The following CTCF variants were observed in gnomAD, a reference collection of about 807,000 sequenced individuals.
CTCF encodes transcriptional repressor CTCF.
A neutral mutation model predicts 72.3 loss-of-function variants in CTCF; 7 were observed. That is an observed-to-expected ratio of 0.10 (90% CI 0.06 to 0.18). The LOEUF (loss-of-function observed/expected upper bound fraction) is 0.18, where lower values mean the gene tolerates loss of function less well. CTCF is among the 10% of genes least tolerant of loss of function. CTCF has a pLI of 1.00. For missense variants in CTCF, 516 were observed against 949.1 expected, an observed-to-expected ratio of 0.54 and a Z score of 6.00; for synonymous variants, 374 against 315.8, an observed-to-expected ratio of 1.18 and a Z score of -1.95.
At chr16:67,569,336 C>T (rs548816140) in intron 1 of CTCF, among the ~76,000 whole-genome samples, 5 of 152,064 alleles carry the variant, frequency 3.3e-5, no homozygotes, top group African/African-American at 1.2e-4. Flanking sequence ...CAGGCCTGCA[C>T]CACCATGCCC....
intron 2 of CTCF, among the ~76,000 whole-genome samples, chr16:67,589,805 G>A (rs1241108980): frequency 1.3e-5 from 2 of 152,138 alleles, no homozygotes; most frequent in Non-Finnish European, 2.9e-5. Flanking sequence ...TTGAAAAAGA[G>A]CCTGGACGCG....
chr16:67,630,096 A>G (rs1452064920), intron 10 of CTCF, among the ~76,000 whole-genome samples: 1 of 151,816 alleles, frequency 6.6e-6, no homozygotes, highest in African/African-American at 2.4e-5. Context: ...CCTTATACGT[A>G]ATCTTGAGTT....
At chr16:67,587,099 C>CTTT (rs1194757717) in intron 2 of CTCF, among the ~76,000 whole-genome samples, 5 of 127,582 alleles carry the variant, frequency 3.9e-5, no homozygotes, top group Non-Finnish European at 3.4e-5. Flanking sequence ...ACTTCTTAAA[C>CTTT]ATTTTTTTTT....
chr16:67,633,970 A>C (rs1305185334), intron 10 of CTCF, among the ~76,000 whole-genome samples: 1 of 152,230 alleles, frequency 6.6e-6, no homozygotes, highest in Non-Finnish European at 1.5e-5. Context: ...TGAGTCAAAA[A>C]AGGGTCTAAA....
At chr16:67,587,123 T>TC (rs71145974) in intron 2 of CTCF, among the ~76,000 whole-genome samples, 1 of 129,024 alleles carries the variant, frequency 7.8e-6, no homozygotes, top group African/African-American at 2.9e-5. Flanking sequence ...TTTTTTTTTT[T>TC]GGAGACAGGG....
At position 67,616,944 on chromosome 16, in the gene CTCF, A is replaced by ATT. The variant is rs2052139198; in HGVS notation, c.1086+67_1086+68insTT. On this transcript the variant is annotated intron_variant, in intron 5 of 11. Transcript: ENST00000264010. The stretch of plus-strand genomic sequence containing the variant: ...CCATGATTTATTTCAATACAAAGCT[A>ATT]TAACTACTACCCAAACGGACTTAAG... 3 of 1,531,150 alleles carry ATT rather than the reference A, an allele frequency of 2.0e-6. No homozygotes were observed. In the South Asian group the frequency reaches 3.4e-5, roughly 17 times the overall value. The allele number at this position is 1,531,150 out of a possible 1,614,324, so 94.8% of individuals were successfully genotyped here. A position where few individuals can be genotyped will look rare whatever the true frequency, so the allele number is the denominator to read the frequency against.
chr16:67,617,725 G>C (rs2052150827), intron 5 of CTCF, among the ~76,000 whole-genome samples: 1 of 152,076 alleles, frequency 6.6e-6, no homozygotes, highest in African/African-American at 2.4e-5. Flanking sequence ...GGCAAATTCT[G>C]TCAAACTTTG....
At chr16:67,579,186 T>G (rs2051546163) in intron 2 of CTCF, among the ~76,000 whole-genome samples, 1 of 150,550 alleles carries the variant, frequency 6.6e-6, no homozygotes. Context: ...ACCTGGGAGG[T>G]GGAGGTTGCA....
At chr16:67,588,553 C>T (rs1236035331) in intron 2 of CTCF, among the ~76,000 whole-genome samples, 1 of 152,128 alleles carries the variant, frequency 6.6e-6, no homozygotes. Flanking sequence ...GAGAGGACAG[C>T]ATGTACTTGG....
At chr16:67,611,901 C>G (rs770337529) in intron 3 of CTCF, 50 bp from the exon 4 acceptor site, 3 of 1,517,790 alleles carry the variant, frequency 2.0e-6, no homozygotes, top group Non-Finnish European at 2.7e-6. Context: ...TAGGATTAAT[C>G]TTAACACTTT....
chr16:67,573,322 G>C (rs1447258463), intron 2 of CTCF, among the ~76,000 whole-genome samples: 1 of 151,832 alleles, frequency 6.6e-6, no homozygotes, highest in Admixed American at 6.6e-5. Context: ...CCAACTACTC[G>C]GGAGGCTGAG....
At chr16:67,581,919 G>GC (rs2051588164) in intron 2 of CTCF, among the ~76,000 whole-genome samples, 1 of 152,154 alleles carries the variant, frequency 6.6e-6, no homozygotes, top group Non-Finnish European at 1.5e-5. Context: ...ACCTCACACA[G>GC]CCTCTGTTAG....
intron 2 of CTCF, among the ~76,000 whole-genome samples, chr16:67,583,588 G>A (rs1197128003): frequency 2.0e-5 from 3 of 151,902 alleles, no homozygotes; most frequent in South Asian, 2.1e-4. Context: ...TCGGGAGGCC[G>A]AGGCAGGAGA....
intron 2 of CTCF, among the ~76,000 whole-genome samples, chr16:67,581,349 G>A (rs1017807104): frequency 1.4e-5 from 2 of 147,676 alleles, no homozygotes; most frequent in Non-Finnish European, 3.0e-5. Flanking sequence ...TTTTGAGACA[G>A]TCTCACTCCG....
chr16:67,575,514 G>A (rs892805397), intron 2 of CTCF, among the ~76,000 whole-genome samples: 7 of 151,866 alleles, frequency 4.6e-5, no homozygotes, highest in African/African-American at 1.7e-4. Flanking sequence ...GTGCAATCTC[G>A]GCTCACTGCA....
intron 7 of CTCF, 67 bp from the exon 8 acceptor site, chr16:67,626,488 A>G (rs1367852528): frequency 8.4e-6 from 7 of 829,234 alleles, no homozygotes; most frequent in South Asian, 3.0e-5. Flanking sequence ...CGAGAAATGT[A>G]TTAGTAACTT....
At chr16:67,632,074 C>CAA (rs556248338) in intron 10 of CTCF, among the ~76,000 whole-genome samples, 11 of 96,344 alleles carry the variant, frequency 1.1e-4, no homozygotes, top group South Asian at 3.2e-4. Flanking sequence ...ACCCTGTCTC[C>CAA]AAAAAAAAAA....
At chr16:67,584,971 T>C (rs1597690179) in intron 2 of CTCF, among the ~76,000 whole-genome samples, 1 of 152,338 alleles carries the variant, frequency 6.6e-6, no homozygotes, top group South Asian at 2.1e-4. Context: ...CATGCATCAA[T>C]GTGTATGTCT....
At chr16:67,631,993 T>C (rs539819806) in intron 10 of CTCF, among the ~76,000 whole-genome samples, 2 of 150,392 alleles carry the variant, frequency 1.3e-5, no homozygotes, top group Non-Finnish European at 2.9e-5. Flanking sequence ...GAGGATGGCT[T>C]GAGCCCAGTA....
Sources: gnomAD v4.1 joint callset for allele counts (sites outside exome capture counted in the v4.1 genomes callset) on GRCh38, gnomAD v4.1.1 for gene constraint, MANE v1.5 for transcripts, NCBI Gene and HGNC (gene_info 2026-07-23, HGNC 2026-07-21) for gene names.